TRPM3: variants seen among roughly 807,000 people sequenced by gnomAD.
TRPM3 encodes the protein transient receptor potential cation channel subfamily M member 3.
TRPM3 carries 77 observed loss-of-function variants against 181.2 expected under a neutral mutation model. The ratio of observed to expected loss-of-function variants is 0.42; its 90% confidence interval spans 0.35 to 0.51. TRPM3 has a LOEUF of 0.51. Among genes scored for constraint, TRPM3 ranks in the 20% least tolerant of loss-of-function variants. The probability of loss-of-function intolerance (pLI) is 0.01; values close to 1 mark genes in which losing one functional copy is unlikely to be tolerated. For synonymous variants in TRPM3, 745 were observed against 796.4 expected, an observed-to-expected ratio of 0.94 and a Z score of 1.09; for missense variants, 1,759 against 2,196.7, an observed-to-expected ratio of 0.80 and a Z score of 3.98.
At chr9:71,035,523 C>A (rs2058073665) in intron 1 of TRPM3, among the ~76,000 whole-genome samples, 1 of 152,134 alleles carries the variant, frequency 6.6e-6, no homozygotes, top group Non-Finnish European at 1.5e-5. Context: ...TTGAGACCTA[C>A]CTGGCCAACA....
intron 6 of TRPM3, among the ~76,000 whole-genome samples, chr9:70,810,405 C>A (rs2091791682): frequency 6.7e-6 from 1 of 149,996 alleles, no homozygotes; most frequent in African/African-American, 2.5e-5. Flanking sequence ...ACCCTCCTCT[C>A]CATCGCCCTG....
intron 1 of TRPM3, among the ~76,000 whole-genome samples, chr9:71,158,597 C>T (rs529048032): frequency 1.3e-5 from 2 of 152,202 alleles, no homozygotes; most frequent in East Asian, 3.9e-4. Flanking sequence ...ATTATTTAAC[C>T]TTGGTAAGCT....
At chr9:70,804,178 A>T (rs1440354990) in intron 6 of TRPM3, among the ~76,000 whole-genome samples, 1 of 152,108 alleles carries the variant, frequency 6.6e-6, no homozygotes, top group East Asian at 1.9e-4. Context: ...AAAGAAAAAA[A>T]AATTAACTGG....
At chr9:70,747,959 T>C (rs1407164283) in intron 8 of TRPM3, among the ~76,000 whole-genome samples, 1 of 152,062 alleles carries the variant, frequency 6.6e-6, no homozygotes, top group Non-Finnish European at 1.5e-5. Context: ...AAAATGGTAA[T>C]TGAAGTCACA....
chr9:71,315,317 C>G (rs11142798), intron 1 of TRPM3, among the ~76,000 whole-genome samples: 109,782 of 152,082 alleles, frequency 0.72, 41,550 homozygotes, highest in East Asian at 0.85. Context: ...TTTAGAAATA[C>G]ACCAAGTGAT....
chr9:71,177,645 A>C (rs2077178542), intron 1 of TRPM3, among the ~76,000 whole-genome samples: 2 of 152,156 alleles, frequency 1.3e-5, no homozygotes, highest in Non-Finnish European at 2.9e-5. Context: ...CTATCTTTTC[A>C]CATACTTAAA....
At chr9:70,926,965 G>C (rs1001510177) in intron 1 of TRPM3, among the ~76,000 whole-genome samples, 3 of 152,182 alleles carry the variant, frequency 2.0e-5, no homozygotes, top group Non-Finnish European at 4.4e-5. Flanking sequence ...GAAATTTCTA[G>C]TTTAAAGGTT....
chr9:70,874,497 A>G (rs1160632236), intron 1 of TRPM3, among the ~76,000 whole-genome samples: 2 of 151,940 alleles, frequency 1.3e-5, no homozygotes, highest in Non-Finnish European at 2.9e-5. Context: ...GGTGTAGAGT[A>G]AAAATGAGGC....
intron 1 of TRPM3, among the ~76,000 whole-genome samples, chr9:71,127,825 G>A (rs2074138033): frequency 6.6e-6 from 1 of 152,162 alleles, no homozygotes; most frequent in South Asian, 2.1e-4. Flanking sequence ...CTTTGGGGAA[G>A]TTATTTAATC....
intron 8 of TRPM3, among the ~76,000 whole-genome samples, chr9:70,759,366 C>A (rs1306489812): frequency 6.6e-6 from 1 of 152,176 alleles, no homozygotes; most frequent in Admixed American, 6.5e-5. Flanking sequence ...GAAATAGAAA[C>A]ACTTTTACAC....
At chr9:71,301,601 C>A (rs1729879746) in intron 1 of TRPM3, among the ~76,000 whole-genome samples, 1 of 152,050 alleles carries the variant, frequency 6.6e-6, no homozygotes, top group South Asian at 2.1e-4. Flanking sequence ...CTATGTATAT[C>A]TTTTAAAGAT....
At chr9:70,855,170 C>T (rs2095354612) in intron 3 of TRPM3, among the ~76,000 whole-genome samples, 1 of 152,202 alleles carries the variant, frequency 6.6e-6, no homozygotes, top group Admixed American at 6.5e-5. Flanking sequence ...TCAACTTTAT[C>T]ATGGCTTCGC....
intron 1 of TRPM3, among the ~76,000 whole-genome samples, chr9:71,226,559 C>T (rs904239183): frequency 1.3e-5 from 2 of 151,494 alleles, no homozygotes; most frequent in Non-Finnish European, 2.9e-5. Context: ...TATCTCAAGT[C>T]AAAAACTATA....
intron 22 of TRPM3, among the ~76,000 whole-genome samples, chr9:70,562,016 T>C (rs917030458): frequency 6.6e-6 from 1 of 152,248 alleles, no homozygotes; most frequent in Non-Finnish European, 1.5e-5. Flanking sequence ...TTCACAACAA[T>C]GTAGCGTTTT....
At chr9:71,435,771 G>C (rs964618850) in intron 1 of TRPM3, among the ~76,000 whole-genome samples, 1 of 152,178 alleles carries the variant, frequency 6.6e-6, no homozygotes, top group Non-Finnish European at 1.5e-5. Flanking sequence ...CATGTCAATG[G>C]GGAATAAGGT....
At chr9:70,865,048 G>GC (rs1195574780) in intron 1 of TRPM3, among the ~76,000 whole-genome samples, 25 of 147,072 alleles carry the variant, frequency 1.7e-4, no homozygotes, top group Non-Finnish European at 2.8e-4. Flanking sequence ...AGGGGGGTTG[G>GC]GGGGGGGGAG....
intron 1 of TRPM3, among the ~76,000 whole-genome samples, chr9:70,876,996 C>T (rs1275853086): frequency 6.6e-6 from 1 of 151,932 alleles, no homozygotes; most frequent in African/African-American, 2.4e-5. Flanking sequence ...AAAATTTGTA[C>T]CTTACATTAA....
chr9:71,282,683 A>G (rs949504842), intron 1 of TRPM3, among the ~76,000 whole-genome samples: 9 of 152,318 alleles, frequency 5.9e-5, no homozygotes, highest in African/African-American at 2.2e-4. Context: ...CCAGCATGAG[A>G]ACTTAAACCA....
chr9:71,176,729 A>G (rs1462618778), intron 1 of TRPM3, among the ~76,000 whole-genome samples: 1 of 152,168 alleles, frequency 6.6e-6, no homozygotes, highest in Admixed American at 6.6e-5. Context: ...TTCATGGTGC[A>G]TGCCCTATAC....
Sources: gnomAD v4.1 joint callset for allele counts (sites outside exome capture counted in the v4.1 genomes callset) on GRCh38, gnomAD v4.1.1 for gene constraint, MANE v1.5 for transcripts, NCBI Gene and HGNC (gene_info 2026-07-23, HGNC 2026-07-21) for gene names.